GRM8: variants seen among roughly 807,000 people sequenced by gnomAD.
GRM8 encodes metabotropic glutamate receptor 8.
Under a neutral mutation model 87.2 loss-of-function variants are expected in GRM8, and 47 were observed. That is an observed-to-expected ratio of 0.54 (90% CI 0.43 to 0.69). GRM8 has a LOEUF of 0.69. Among genes scored for constraint, GRM8 ranks in the 30% least tolerant of loss-of-function variants. The pLI is 0.00. For missense variants in GRM8, 1,019 were observed against 1,139.2 expected (o/e 0.89, Z 1.52); for synonymous variants, 396 against 404.5 (o/e 0.98, Z 0.25).
chr7:126,735,818 C>T (rs1814148776), intron 7 of GRM8, among the ~76,000 whole-genome samples: 1 of 151,990 alleles, frequency 6.6e-6, no homozygotes, highest in Non-Finnish European at 1.5e-5. Context: ...CAGATGGAGA[C>T]AATGTGAGTC....
intron 8 of GRM8, among the ~76,000 whole-genome samples, chr7:126,585,142 T>C (rs1322885347): frequency 6.6e-6 from 1 of 152,034 alleles, no homozygotes; most frequent in Non-Finnish European, 1.5e-5. Context: ...TAAAAATAAA[T>C]AGATAAGCAG....
intron 6 of GRM8, among the ~76,000 whole-genome samples, chr7:126,798,853 G>C (rs1037443811): frequency 6.6e-6 from 1 of 152,108 alleles, no homozygotes. Context: ...CCTATGAGAT[G>C]AGACTGGGAA....
intron 2 of GRM8, among the ~76,000 whole-genome samples, chr7:127,239,072 T>C (rs943174467): frequency 6.6e-6 from 1 of 152,174 alleles, no homozygotes; most frequent in Admixed American, 6.5e-5. Flanking sequence ...CTGGAGAGGC[T>C]GACACAGGAG....
chr7:126,689,449 AAT>A (rs1808556704), intron 7 of GRM8, among the ~76,000 whole-genome samples: 1 of 152,246 alleles, frequency 6.6e-6, no homozygotes, highest in Non-Finnish European at 1.5e-5. Flanking sequence ...TTACATGGCT[AAT>A]AGAAGAAAAT....
chr7:126,739,429 CACCACAT>C (rs1437925553), intron 7 of GRM8, among the ~76,000 whole-genome samples: 6 of 135,440 alleles, frequency 4.4e-5, no homozygotes, highest in Non-Finnish European at 6.7e-5. Flanking sequence ...CACACACACA[CACCACAT>C]ACAAAACATA....
intron 6 of GRM8, among the ~76,000 whole-genome samples, chr7:126,786,170 A>G (rs1461893230): frequency 6.6e-6 from 1 of 152,204 alleles, no homozygotes; most frequent in Non-Finnish European, 1.5e-5. Flanking sequence ...GTAAGGAATC[A>G]ATCAAATAAA....
intron 3 of GRM8, among the ~76,000 whole-genome samples, chr7:127,036,203 A>G (rs1341441555): frequency 6.6e-6 from 1 of 152,008 alleles, no homozygotes; most frequent in Non-Finnish European, 1.5e-5. Flanking sequence ...TTATACCTAC[A>G]CCATATTAAA....
At chr7:127,155,353 T>G (rs747248591) in intron 2 of GRM8, among the ~76,000 whole-genome samples, 12 of 152,194 alleles carry the variant, frequency 7.9e-5, no homozygotes, top group Non-Finnish European at 1.5e-4. Flanking sequence ...TTGGAGAAAT[T>G]TATTTTCTTG....
chr7:126,797,958 G>T (rs916521324), intron 6 of GRM8, among the ~76,000 whole-genome samples: 7 of 152,072 alleles, frequency 4.6e-5, no homozygotes, highest in Non-Finnish European at 1.5e-5. Context: ...TTTGAAAAAT[G>T]ATTTGAGATT....
intron 3 of GRM8, among the ~76,000 whole-genome samples, chr7:126,928,073 A>T (rs911531501): frequency 2.0e-5 from 3 of 152,144 alleles, no homozygotes; most frequent in African/African-American, 4.8e-5. Flanking sequence ...TTGCAGGGAC[A>T]TGGATGACGC....
intron 3 of GRM8, among the ~76,000 whole-genome samples, chr7:126,910,244 A>G (rs1201377777): frequency 6.6e-6 from 1 of 152,060 alleles, no homozygotes; most frequent in Non-Finnish European, 1.5e-5. Flanking sequence ...CACTTCTTTC[A>G]TACTGCAGCA....
At position 126,520,593 on chromosome 7, in the gene GRM8, T is replaced by C. The variant is rs542079004; in HGVS notation, c.2430+12359A>G. Reference sequence around the variant, plus strand: ...CAACTTGAACAGAAGGAAGATGAGATAAAGAAGACAAAGAAACAAAAAGAT... The same window carrying C: ...CAACTTGAACAGAAGGAAGATGAGACAAAGAAGACAAAGAAACAAAAAGAT... On this transcript the variant is annotated intron_variant, in intron 9 of 10. Coordinates refer to ENST00000339582, the MANE Select transcript of GRM8 (RefSeq NM_000845.3). 1.8e-3 allele frequency among the ~76,000 whole-genome samples: 268 copies of C among 152,088 alleles called. 1 individual carries two copies. The highest frequency in any genetic ancestry group is 5.7e-3 in the African/African-American group (237 of 41,502).
At chr7:127,159,065 G>T (rs758742201) in intron 2 of GRM8, among the ~76,000 whole-genome samples, 2 of 152,164 alleles carry the variant, frequency 1.3e-5, no homozygotes, top group Non-Finnish European at 2.9e-5. Context: ...TTGCATTCAG[G>T]TTTGGTAAGA....
At chr7:126,828,687 G>A (rs964070775) in intron 6 of GRM8, among the ~76,000 whole-genome samples, 1 of 152,082 alleles carries the variant, frequency 6.6e-6, no homozygotes, top group South Asian at 2.1e-4. Flanking sequence ...TTTTTGAAGG[G>A]TTTTTTGTGT....
intron 6 of GRM8, among the ~76,000 whole-genome samples, chr7:126,803,367 T>C (rs1452032017): frequency 2.6e-5 from 4 of 152,128 alleles, no homozygotes; most frequent in Non-Finnish European, 5.9e-5. Flanking sequence ...TCTTTCAAAA[T>C]ACAAAACTAC....
chr7:126,779,110 T>C (rs1819790673), intron 6 of GRM8, among the ~76,000 whole-genome samples: 1 of 152,050 alleles, frequency 6.6e-6, no homozygotes, highest in Admixed American at 6.6e-5. Context: ...TCCTTAATCT[T>C]TCATTAAGAT....
chr7:126,966,143 T>C (rs967851238), intron 3 of GRM8, among the ~76,000 whole-genome samples: 35 of 152,172 alleles, frequency 2.3e-4, no homozygotes, highest in Non-Finnish European at 5.0e-4. Flanking sequence ...GCTGTTCTTT[T>C]TTTTGTTTTG....
At chr7:126,865,447 C>T (rs1481598579) in intron 6 of GRM8, among the ~76,000 whole-genome samples, 1 of 152,202 alleles carries the variant, frequency 6.6e-6, no homozygotes, top group East Asian at 1.9e-4. Flanking sequence ...ACAATTCACG[C>T]ATTTAAAATG....
At chr7:127,015,239 A>AG (rs1815510560) in intron 3 of GRM8, among the ~76,000 whole-genome samples, 4 of 133,898 alleles carry the variant, frequency 3.0e-5, no homozygotes, top group Admixed American at 1.6e-4. Context: ...GAAGAAGAAG[A>AG]AGAAGAAGAA....
Sources: gnomAD v4.1 joint callset for allele counts (sites outside exome capture counted in the v4.1 genomes callset) on GRCh38, gnomAD v4.1.1 for gene constraint, MANE v1.5 for transcripts, NCBI Gene and HGNC (gene_info 2026-07-23, HGNC 2026-07-21) for gene names.